CADM2: variants seen among roughly 807,000 people sequenced by gnomAD.
The protein encoded by CADM2 is cell adhesion molecule 2, also known as immunoglobulin superfamily member 4D.
CADM2 carries 12 observed loss-of-function variants against 49.8 expected under a neutral mutation model. That is an observed-to-expected ratio of 0.24 (90% CI 0.15 to 0.39). The LOEUF is 0.39. Ranked by LOEUF, CADM2 falls within the 10% of genes least tolerant of loss-of-function variation. The pLI, the probability that CADM2 is intolerant of heterozygous loss-of-function variation, is 1.00. For missense variants in CADM2, 378 were observed against 492.3 expected (o/e 0.77, Z 2.20); for synonymous variants, 214 against 175.4 (o/e 1.22, Z -1.74).
chr3:85,033,437 G>T (rs1016306), intron 1 of CADM2, among the ~76,000 whole-genome samples: 96,143 of 152,096 alleles, frequency 0.63, 32,432 homozygotes, highest in African/African-American at 0.87. Flanking sequence ...GTTGTTAGGT[G>T]TGTTGAAATA....
intron 1 of CADM2, among the ~76,000 whole-genome samples, chr3:85,385,273 C>T (rs1245928158): frequency 6.6e-6 from 1 of 151,886 alleles, no homozygotes; most frequent in Non-Finnish European, 1.5e-5. Flanking sequence ...CATTTGCAAC[C>T]CTTAACCAGT....
chr3:85,208,457 A>G (rs772543303), intron 1 of CADM2, among the ~76,000 whole-genome samples: 1 of 152,134 alleles, frequency 6.6e-6, no homozygotes, highest in Non-Finnish European at 1.5e-5. Flanking sequence ...AAAAATGCAA[A>G]GTTTTGCTCA....
At chr3:85,180,730 G>A (rs115023067) in intron 1 of CADM2, among the ~76,000 whole-genome samples, 1 of 152,036 alleles carries the variant, frequency 6.6e-6, no homozygotes, top group Non-Finnish European at 1.5e-5. Context: ...TATAGGAATG[G>A]ATAAATGAAT....
intron 1 of CADM2, among the ~76,000 whole-genome samples, chr3:85,591,394 T>G (rs2063103609): frequency 1.4e-5 from 2 of 143,360 alleles, no homozygotes; most frequent in South Asian, 4.6e-4. Context: ...AGGCTGCAGT[T>G]TAAATATAAT....
At chr3:85,060,356 A>C (rs987446162) in intron 1 of CADM2, among the ~76,000 whole-genome samples, 1 of 151,742 alleles carries the variant, frequency 6.6e-6, no homozygotes, top group South Asian at 2.1e-4. Flanking sequence ...CGAACTCCTG[A>C]CCTCAGGTGA....
chr3:85,397,521 T>C (rs1399615769), intron 1 of CADM2, among the ~76,000 whole-genome samples: 1 of 152,188 alleles, frequency 6.6e-6, no homozygotes, highest in African/African-American at 2.4e-5. Flanking sequence ...AGCGTGCTTA[T>C]ATAATACAGT....
intron 7 of CADM2, among the ~76,000 whole-genome samples, chr3:85,947,163 G>T (rs942898224): frequency 1.3e-5 from 2 of 151,902 alleles, no homozygotes; most frequent in African/African-American, 4.8e-5. Flanking sequence ...CTCAAAAGAA[G>T]ACATTTATGC....
At chr3:85,029,417 A>G (rs1032047586) in intron 1 of CADM2, among the ~76,000 whole-genome samples, 1 of 152,176 alleles carries the variant, frequency 6.6e-6, no homozygotes, top group Admixed American at 6.5e-5. Context: ...TTTGTTAAGG[A>G]TCTTTCTCTT....
intron 1 of CADM2, among the ~76,000 whole-genome samples, chr3:85,542,635 A>T (rs66922686): frequency 0.51 from 77,935 of 152,066 alleles, 23,056 homozygotes; most frequent in East Asian, 0.85. Context: ...AAGCTTACAT[A>T]TAAATATATT....
At chr3:85,990,843 C>T (rs1728695197) in intron 8 of CADM2, among the ~76,000 whole-genome samples, 1 of 152,126 alleles carries the variant, frequency 6.6e-6, no homozygotes, top group Non-Finnish European at 1.5e-5. Flanking sequence ...GAAAATTAAG[C>T]TATGAATATG....
chr3:85,809,360 G>T (rs2072663622), intron 3 of CADM2, among the ~76,000 whole-genome samples: 1 of 152,080 alleles, frequency 6.6e-6, no homozygotes, highest in Non-Finnish European at 1.5e-5. Context: ...GGAGGTTGAG[G>T]CGGGTGGACC....
intron 7 of CADM2, among the ~76,000 whole-genome samples, chr3:85,941,797 C>T (rs1364373880): frequency 1.3e-5 from 2 of 151,980 alleles, no homozygotes; most frequent in Admixed American, 6.6e-5. Context: ...CTTAAAGAAC[C>T]CAAACTAAGT....
At chr3:85,072,279 T>G (rs1276635482) in intron 1 of CADM2, among the ~76,000 whole-genome samples, 1 of 152,016 alleles carries the variant, frequency 6.6e-6, no homozygotes, top group African/African-American at 2.4e-5. Context: ...TTTAAAAGAT[T>G]AATCTGTTTT....
intron 1 of CADM2, among the ~76,000 whole-genome samples, chr3:85,195,597 T>A (rs1452121): frequency 2.6e-5 from 4 of 151,546 alleles, no homozygotes; most frequent in Non-Finnish European, 4.4e-5. Flanking sequence ...ATTCAAAAAA[T>A]GTCAGTAGAG....
rs550319624 is a variant in CADM2, at chr3:85,330,818, G to A, written c.61+371150G>A. On this transcript the variant is annotated intron_variant, in intron 1 of 9. Transcript: ENST00000383699. Reference sequence around the variant, plus strand: ...CAAAAAAAAAAAAAAAAAATAGCTCGGCACGGTGGTGTGTGTGCCTGTGGT... The same window carrying A: ...CAAAAAAAAAAAAAAAAAATAGCTCAGCACGGTGGTGTGTGTGCCTGTGGT... 1.0e-3 allele frequency among the ~76,000 whole-genome samples: 152 copies of A among 149,412 alleles called. 1 individual carries two copies. Among genetic ancestry groups the A allele is most frequent in the Non-Finnish European group, 8.0e-4 (54 of 67,312 alleles).
At chr3:85,855,478 A>G (rs527443987) in intron 3 of CADM2, among the ~76,000 whole-genome samples, 11 of 151,594 alleles carry the variant, frequency 7.3e-5, no homozygotes, top group African/African-American at 1.9e-4. Flanking sequence ...CCTTTTTGAC[A>G]TAATGTGAGA....
At chr3:85,569,553 C>T (rs1192371933) in intron 1 of CADM2, among the ~76,000 whole-genome samples, 1 of 152,014 alleles carries the variant, frequency 6.6e-6, no homozygotes, top group African/African-American at 2.4e-5. Flanking sequence ...ATACGAGTGA[C>T]CCTGTCCCCA....
chr3:86,066,590 TA>T, intron 9 of CADM2, 74 bp from the exon 10 acceptor site: 1 of 1,143,502 alleles, frequency 8.7e-7, no homozygotes, highest in Non-Finnish European at 1.3e-6. Flanking sequence ...AGTTTCTTCC[TA>T]AATAATGTAG....
At chr3:85,817,543 A>G (rs1419173293) in intron 3 of CADM2, among the ~76,000 whole-genome samples, 1 of 152,136 alleles carries the variant, frequency 6.6e-6, no homozygotes, top group Non-Finnish European at 1.5e-5. Context: ...GTTATTTGTC[A>G]CTTATTTATT....
Sources: gnomAD v4.1 joint callset for allele counts (sites outside exome capture counted in the v4.1 genomes callset) on GRCh38, gnomAD v4.1.1 for gene constraint, MANE v1.5 for transcripts, NCBI Gene and HGNC (gene_info 2026-07-23, HGNC 2026-07-21) for gene names.